The following NOXRED1 variants were observed in gnomAD, a reference collection of about 807,000 sequenced individuals.
NOXRED1 encodes the protein NADP dependent oxidoreductase domain containing 1, also known as NADP-dependent oxidoreductase domain-containing protein 1.
NOXRED1 carries 20 observed loss-of-function variants against 30.4 expected under a neutral mutation model. That is an observed-to-expected ratio of 0.66 (90% CI 0.46 to 0.96). NOXRED1 has a LOEUF of 0.96. Among genes scored for constraint, NOXRED1 ranks in the 40% least tolerant of loss-of-function variants. The pLI, the probability that NOXRED1 is intolerant of heterozygous loss-of-function variation, is 0.00. For synonymous variants in NOXRED1, 155 were observed against 168.0 expected (o/e 0.92, Z 0.60); for missense variants, 374 against 428.0 (o/e 0.87, Z 1.11).
chr14:77,406,208 CCT>C (rs1894454264), intron 4 of NOXRED1, 73 bp from the exon 5 acceptor site: 18 of 1,058,118 alleles, frequency 1.7e-5, no homozygotes, highest in South Asian at 7.1e-5. Flanking sequence ...AGAATAAACC[CCT>C]GACAGTGAAT....
chr14:77,419,571 C>A (rs1894930831), intron 1 of NOXRED1, among the ~76,000 whole-genome samples: 1 of 151,530 alleles, frequency 6.6e-6, no homozygotes, highest in African/African-American at 2.4e-5. Flanking sequence ...GCCTCAGCCT[C>A]CCAAGTAGCT....
intron 5 of NOXRED1, among the ~76,000 whole-genome samples, chr14:77,395,529 C>T (rs1381161721): frequency 6.6e-6 from 1 of 151,976 alleles, no homozygotes; most frequent in East Asian, 1.9e-4. Flanking sequence ...AGGCTGGGCA[C>T]AGTGACTCAT....
At chr14:77,421,754 C>T (rs946373585) in intron 1 of NOXRED1, among the ~76,000 whole-genome samples, 2 of 152,212 alleles carry the variant, frequency 1.3e-5, no homozygotes, top group African/African-American at 4.8e-5. Flanking sequence ...TGCTATATGA[C>T]AGCCTTATAT....
intron 2 of NOXRED1, among the ~76,000 whole-genome samples, chr14:77,412,393 T>C (rs1053262325): frequency 1.1e-4 from 16 of 152,188 alleles, no homozygotes; most frequent in Non-Finnish European, 2.2e-4. Context: ...ACATAGTCTG[T>C]GCATCCAAAC....
At chr14:77,414,249 T>C in intron 1 of NOXRED1, 122 bp from the exon 2 acceptor site, 2 of 585,380 alleles carry the variant, frequency 3.4e-6, no homozygotes, top group South Asian at 3.1e-5. Flanking sequence ...TGGGGTGATC[T>C]TGACTCACCG....
intron 5 of NOXRED1, 49 bp from the exon 6 acceptor site, chr14:77,394,854 T>C: frequency 7.3e-7 from 1 of 1,376,818 alleles, no homozygotes; most frequent in Non-Finnish European, 1.0e-6. Flanking sequence ...TCAGTATATC[T>C]GATTTGGCTG....
At chr14:77,417,868 T>C (rs977425902) in intron 1 of NOXRED1, among the ~76,000 whole-genome samples, 3 of 151,312 alleles carry the variant, frequency 2.0e-5, no homozygotes, top group Admixed American at 1.3e-4. Flanking sequence ...CCTCTCTTGC[T>C]GCCTTCTTTT....
rs1417952618 is a variant in NOXRED1 at position 77,422,903 on chromosome 14, T to C, written c.-14A>G. The C allele has an allele frequency of 1.2e-6, 2 of 1,607,532 alleles. No individual in the cohort carries two copies. The highest frequency in any genetic ancestry group is 2.7e-5 in the African/African-American group (2 of 74,486). Reference sequence around the variant, plus strand: ...GAGCATGTCCATTTCCAAGCCACTATTTCCTGCAGTGATAGACACTAATCA... The same window carrying C: ...GAGCATGTCCATTTCCAAGCCACTACTTCCTGCAGTGATAGACACTAATCA... On this transcript the variant is annotated 5_prime_UTR_variant, in exon 1 of 6. Transcript: ENST00000380835.
chr14:77,409,845 G>A (rs964146186), intron 2 of NOXRED1, among the ~76,000 whole-genome samples: 31 of 145,462 alleles, frequency 2.1e-4, no homozygotes, highest in African/African-American at 7.9e-4. Context: ...GTCTTGCTCT[G>A]TCATCCAGGC....
intron 5 of NOXRED1, among the ~76,000 whole-genome samples, chr14:77,397,901 A>C (rs1894230097): frequency 6.7e-6 from 1 of 149,140 alleles, no homozygotes; most frequent in African/African-American, 2.5e-5. Context: ...AAAAAAAAAT[A>C]CTTGAATTCC....
In NOXRED1 at chr14:77,406,076, A is replaced by G. The variant is rs373540750; in HGVS notation, c.742T>C (p.Cys248Arg). ...EGVFYAALNI[C>R]TARNMAHSQV... ...GAGTGGGCCATGTTTCTTGCTGTGCATATGTTTAGGGCCGCATAGAACACT... is the reference window on the plus strand; with the variant it reads ...GAGTGGGCCATGTTTCTTGCTGTGCGTATGTTTAGGGCCGCATAGAACACT... The change falls in exon 5 of 6, where the codon TGC becomes CGC. Residue 248 changes from cysteine to arginine, a missense_variant. Transcript: ENST00000380835. 1.9e-6 allele frequency: 3 copies of G among 1,613,926 alleles called. No individual in the cohort carries two copies. The highest frequency in any genetic ancestry group is 2.5e-6 in the Non-Finnish European group (3 of 1,179,850).
chr14:77,420,120 T>G (rs529858475), intron 1 of NOXRED1, among the ~76,000 whole-genome samples: 1 of 152,302 alleles, frequency 6.6e-6, no homozygotes, highest in South Asian at 2.1e-4. Flanking sequence ...ATTGACCCAC[T>G]TGATAGTATC....
intron 5 of NOXRED1, among the ~76,000 whole-genome samples, chr14:77,404,110 T>A (rs534333782): frequency 1.7e-4 from 26 of 152,318 alleles, no homozygotes; most frequent in African/African-American, 5.8e-4. Flanking sequence ...CTCTGAAAAT[T>A]ATTTCAATGC....
At chr14:77,424,602 A>G (rs1184249709), upstream of NOXRED1, among the ~76,000 whole-genome samples, 1 of 152,222 alleles carries the variant, frequency 6.6e-6, no homozygotes. Flanking sequence ...TTGCCAAGTA[A>G]TGCTTCCTGC....
In NOXRED1 at chr14:77,394,404, G is replaced by A; in HGVS notation, c.*227C>T. The A allele has an allele frequency of 2.8e-6, 1 of 363,306 alleles. No individual in the cohort carries two copies. Among genetic ancestry groups the A allele is most frequent in the Admixed American group, 4.5e-5 (1 of 22,124 alleles). 22.5% of individuals were successfully genotyped at this position (363,306 alleles called of 1,614,324 possible). On this transcript the variant is annotated 3_prime_UTR_variant, in exon 6 of 6. Coordinates refer to ENST00000380835, the MANE Select transcript of NOXRED1 (RefSeq NM_001113475.3). ...GAGCAGCTTACTTAAGTTAGGTTGT[G>A]TAGTTTCACTAGTTGCTTCTGAGAG...
rs185834926 is a variant in NOXRED1, at chr14:77,401,426, C to T, written c.905+4487G>A. ...AAGACTCAGAACAGGCTGGGTGTGACGGCTCATGCCTGTAATTCCAGCACT... is the reference window on the plus strand; with the variant it reads ...AAGACTCAGAACAGGCTGGGTGTGATGGCTCATGCCTGTAATTCCAGCACT... On this transcript the variant is annotated intron_variant, in intron 5 of 5. Transcript: ENST00000380835. 6.9e-4 allele frequency among the ~76,000 whole-genome samples: 104 copies of T among 151,628 alleles called. 1 individual carries two copies. Among genetic ancestry groups the T allele is most frequent in the African/African-American group, 1.9e-3 (77 of 41,340 alleles).
chr14:77,424,225 C>T (rs562285952), upstream of NOXRED1, among the ~76,000 whole-genome samples: 1 of 152,264 alleles, frequency 6.6e-6, no homozygotes, highest in Admixed American at 6.5e-5. Flanking sequence ...CCGAGGCAGG[C>T]GGATCGCTTG....
Position 77,414,147 on chromosome 14 carries a change from A to G in NOXRED1, c.156-20T>C. ...GATGCTCTGGAGAATGAACACACAGACACGTACATAAATACATGCACACAC... is the reference window on the plus strand; with the variant it reads ...GATGCTCTGGAGAATGAACACACAGGCACGTACATAAATACATGCACACAC... On this transcript the variant is annotated intron_variant, in intron 1 of 5. Transcript: ENST00000380835. 2.0e-6 allele frequency: 3 copies of G among 1,497,950 alleles called. No individual in the cohort carries two copies. Among genetic ancestry groups the G allele is most frequent in the South Asian group, 1.2e-5 (1 of 82,114 alleles). The allele number at this position is 1,497,950 out of a possible 1,614,324, so 92.8% of individuals were successfully genotyped here.
rs147814556 is a variant in NOXRED1 at position 77,407,970 on chromosome 14, C to T, written c.350-325G>A. 1.8e-3 allele frequency among the ~76,000 whole-genome samples: 277 copies of T among 150,456 alleles called. 1 individual carries two copies. Among genetic ancestry groups the T allele is most frequent in the African/African-American group, 6.1e-3 (252 of 41,056 alleles). ...GCAACCTCCGCCTCCCGGGTTCAAGCGATTCTCCTGCCTCAGCTGCTCAAG... is the reference window on the plus strand; with the variant it reads ...GCAACCTCCGCCTCCCGGGTTCAAGTGATTCTCCTGCCTCAGCTGCTCAAG... On this transcript the variant is annotated intron_variant, in intron 2 of 5. Transcript: ENST00000380835.
Sources: allele counts gnomAD v4.1 joint callset (sites outside exome capture counted in the v4.1 genomes callset), GRCh38; gene constraint gnomAD v4.1.1; transcripts MANE v1.5; gene names NCBI Gene and HGNC (gene_info 2026-07-23, HGNC 2026-07-21).